IFNA8: variants seen among roughly 807,000 people sequenced by gnomAD.
The protein encoded by IFNA8 is interferon alpha 8.
For synonymous variants in IFNA8, 91 were observed against 84.4 expected, an observed-to-expected ratio of 1.08 and a Z score of -0.43; for missense variants, 246 against 212.3, an observed-to-expected ratio of 1.16 and a Z score of -0.99.
In IFNA8 at chr9:21,409,813, C is replaced by A; in HGVS notation, c.*67C>A. The A allele has an allele frequency of 7.0e-7, 1 of 1,420,262 alleles. No individual in the cohort carries two copies. Among genetic ancestry groups the A allele is most frequent in the Non-Finnish European group, 9.8e-7 (1 of 1,016,594 alleles). 88.0% of individuals were successfully genotyped at this position (1,420,262 alleles called of 1,614,324 possible). On this transcript the variant is annotated 3_prime_UTR_variant, in exon 1 of 1. Transcript: ENST00000380205. ...GCAGCTCACACTTCGACAAGTTGTG[C>A]TCTTTCAAAGACCCTTGTTTCTGCC...
Position 21,409,826 on chromosome 9 carries a change from C to T in IFNA8, c.*80C>T, listed in dbSNP as rs1244909515. The stretch of plus-strand genomic sequence containing the variant: ...CGACAAGTTGTGCTCTTTCAAAGAC[C>T]CTTGTTTCTGCCAAAACCATGCTAT... On this transcript the variant is annotated 3_prime_UTR_variant, in exon 1 of 1. Transcript: ENST00000380205. 2 of 1,316,352 alleles carry T rather than the reference C, an allele frequency of 1.5e-6. No homozygotes were observed. The highest frequency in any genetic ancestry group is 3.0e-5 in the African/African-American group (2 of 67,640). 81.5% of individuals were successfully genotyped at this position (1,316,352 alleles called of 1,614,324 possible). A position where few individuals can be genotyped will look rare whatever the true frequency, so the allele number is the denominator to read the frequency against.
chr9:21,409,411 G>T lies in IFNA8; in HGVS notation c.235G>T (p.Val79Phe), dbSNP rs1286930936. 1.2e-6 allele frequency: 2 copies of T among 1,613,984 alleles called. No individual in the cohort carries two copies. The highest frequency in any genetic ancestry group is 3.3e-5 in the Admixed American group (2 of 59,996). Residue 79 changes from valine to phenylalanine, a missense_variant, in exon 1 of 1, where the codon GTC becomes TTC. Physicochemically the swap from Val to Phe is conservative, Grantham distance 50. Transcript: ENST00000380205. ...GTTCCAGAAGGCTCAAGCCATCTCTGTCCTCCATGAGATGATCCAGCAGAC... is the reference window on the plus strand; with the variant it reads ...GTTCCAGAAGGCTCAAGCCATCTCTTTCCTCCATGAGATGATCCAGCAGAC... ...KQFQKAQAIS[V>F]LHEMIQQTFN...
chr9:21,409,268 G>T lies in IFNA8; in HGVS notation c.92G>T (p.Ser31Ile). The change falls in exon 1 of 1, where the codon AGC becomes ATC. Residue 31 changes from serine to isoleucine, a missense_variant. By Grantham distance (142) the Ser-to-Ile change is moderately radical. Coordinates refer to ENST00000380205, the MANE Select transcript of IFNA8 (RefSeq NM_002170.4). ...SLGCDLPQTH[S>I]LGNRRALILL... ...GGCTGTGATCTGCCTCAGACTCACA[G>T]CCTGGGTAACAGGAGGGCCTTGATA... The T allele has an allele frequency of 6.2e-7, 1 of 1,614,034 alleles. No homozygotes were observed. The highest frequency in any genetic ancestry group is 8.5e-7 in the Non-Finnish European group (1 of 1,179,942).
In IFNA8 at chr9:21,409,564, A is replaced by G; in HGVS notation, c.388A>G (p.Ile130Val). The G allele has an allele frequency of 6.2e-7, 1 of 1,614,004 alleles. No individual in the cohort carries two copies. ...CTGTGTGATGCAGGAAGTGGGGGTG[A>G]TAGAGTCTCCCCTGATGTACGAGGA... is the stretch of plus-strand genomic sequence containing the variant. ...ESCVMQEVGV[I>V]ESPLMYEDSI... The change falls in exon 1 of 1, where the codon ATA becomes GTA. Residue 130 changes from isoleucine to valine, a missense_variant. Ile to Val is a conservative substitution (Grantham distance 29, BLOSUM62 3). Coordinates refer to ENST00000380205, the MANE Select transcript of IFNA8 (RefSeq NM_002170.4).
At position 21,409,310 on chromosome 9, in the gene IFNA8, G is replaced by T. The variant is rs182964709; in HGVS notation, c.134G>T (p.Arg45Leu). The change falls in exon 1 of 1, where the codon CGA becomes CTA. Residue 45 changes from arginine to leucine, a missense_variant. Arg to Leu is a moderately radical substitution (Grantham distance 102, BLOSUM62 -2). Transcript: ENST00000380205. ...GCCTTGATACTCCTGGCACAAATGC[G>T]AAGAATCTCTCCTTTCTCCTGCCTG... ...RRALILLAQMRRISPFSCLKD... is the reference protein window; with the variant it reads ...RRALILLAQMLRISPFSCLKD... 6.2e-7 allele frequency: 1 copy of T among 1,614,022 alleles called. No homozygotes were observed. Among genetic ancestry groups the T allele is most frequent in the Non-Finnish European group, 8.5e-7 (1 of 1,179,954 alleles).
At position 21,410,016 on chromosome 9, in the gene IFNA8, CATATT is replaced by C. The variant is rs1818023941; in HGVS notation, c.*278_*282del. 2 of 253,890 alleles carry C rather than the reference CATATT, an allele frequency of 7.9e-6. No homozygotes were observed. The highest frequency in any genetic ancestry group is 4.6e-5 in the African/African-American group (2 of 43,424). The allele number at this position is 253,890 out of a possible 1,614,324, so 15.7% of individuals were successfully genotyped here. A position where few individuals can be genotyped will look rare whatever the true frequency, so the allele number is the denominator to read the frequency against. ...CTATAGGGCTTAAATTAGTTTTGTT[CATATT>C]ATATTATGTGAACTTTTACATTGTG... On this transcript the variant is annotated 3_prime_UTR_variant, in exon 1 of 1. Transcript: ENST00000380205.
rs1451513317 is a variant in IFNA8, at chr9:21,409,247, G to A, written c.71G>A (p.Cys24Tyr). Residue 24 changes from cysteine (C) to tyrosine (Y), a missense_variant, in exon 1 of 1, where the codon TGT becomes TAT. Cys to Tyr is a radical substitution (Grantham distance 194). Transcript: ENST00000380205. ...LSYKSFSSLGCDLPQTHSLGN... is the reference protein window; with the variant it reads ...LSYKSFSSLGYDLPQTHSLGN... ...TACAAGTCATTCAGCTCTCTGGGCT[G>A]TGATCTGCCTCAGACTCACAGCCTG... 3 of 1,614,044 alleles carry A rather than the reference G, an allele frequency of 1.9e-6. No homozygotes were observed. Among genetic ancestry groups the A allele is most frequent in the Non-Finnish European group, 2.5e-6 (3 of 1,179,942 alleles).
In IFNA8 at chr9:21,409,815, C is replaced by A; in HGVS notation, c.*69C>A. 2 of 1,373,984 alleles carry A rather than the reference C, an allele frequency of 1.5e-6. No homozygotes were observed. The highest frequency in any genetic ancestry group is 2.0e-6 in the Non-Finnish European group (2 of 977,526). The allele number at this position is 1,373,984 out of a possible 1,614,324, so 85.1% of individuals were successfully genotyped here. A position where few individuals can be genotyped will look rare whatever the true frequency, so the allele number is the denominator to read the frequency against. ...AGCTCACACTTCGACAAGTTGTGCT[C>A]TTTCAAAGACCCTTGTTTCTGCCAA... is the stretch of plus-strand genomic sequence containing the variant. On this transcript the variant is annotated 3_prime_UTR_variant, in exon 1 of 1. Coordinates refer to ENST00000380205, the MANE Select transcript of IFNA8 (RefSeq NM_002170.4).
chr9:21,410,091 T>C lies in IFNA8; in HGVS notation c.*345T>C, dbSNP rs16938396. ...GTTCTTTATATTTATTATTTTGCCT[T>C]GTTTATTAAATTTTTACTATAGAAA... On this transcript the variant is annotated 3_prime_UTR_variant, in exon 1 of 1. Coordinates refer to ENST00000380205, the MANE Select transcript of IFNA8 (RefSeq NM_002170.4). 0.038 allele frequency: 6,837 copies of C among 180,578 alleles called. 453 individuals carry two copies. Among genetic ancestry groups the C allele is most frequent in the African/African-American group, 0.15 (6,209 of 41,498 alleles). 11.2% of individuals were successfully genotyped at this position (180,578 alleles called of 1,614,324 possible). A position where few individuals can be genotyped will look rare whatever the true frequency, so the allele number is the denominator to read the frequency against.
At position 21,409,764 on chromosome 9, in the gene IFNA8, A is replaced by T; in HGVS notation, c.*18A>T. The T allele has an allele frequency of 6.2e-7, 1 of 1,603,928 alleles. No individual in the cohort carries two copies. Among genetic ancestry groups the T allele is most frequent in the Non-Finnish European group, 8.5e-7 (1 of 1,171,456 alleles). On this transcript the variant is annotated 3_prime_UTR_variant, in exon 1 of 1. Coordinates refer to ENST00000380205, the MANE Select transcript of IFNA8 (RefSeq NM_002170.4). ...AGGAATGAGACCTGGTACAACACGG[A>T]AATGATTCTTATAGACTAATACAGC... is the stretch of plus-strand genomic sequence containing the variant.
At position 21,409,302 on chromosome 9, in the gene IFNA8, A is replaced by G; in HGVS notation, c.126A>G (p.Ala42=). The change falls in exon 1 of 1, where the codon GCA becomes GCG. Residue 42 remains alanine (A), a synonymous_variant. Coordinates refer to ENST00000380205, the MANE Select transcript of IFNA8 (RefSeq NM_002170.4). ...LGNRRALILL[A]QMRRISPFSC... ...ACAGGAGGGCCTTGATACTCCTGGCACAAATGCGAAGAATCTCTCCTTTCT... is the reference window on the plus strand; with the variant it reads ...ACAGGAGGGCCTTGATACTCCTGGCGCAAATGCGAAGAATCTCTCCTTTCT... The G allele has an allele frequency of 6.2e-7, 1 of 1,614,084 alleles. No individual in the cohort carries two copies. The highest frequency in any genetic ancestry group is 8.5e-7 in the Non-Finnish European group (1 of 1,179,954).
rs1347408185 is a variant in IFNA8, at chr9:21,409,493, A to G, written c.317A>G (p.Asp106Gly). 6.2e-7 allele frequency: 1 copy of G among 1,613,948 alleles called. No individual in the cohort carries two copies. The highest frequency in any genetic ancestry group is 1.3e-5 in the African/African-American group (1 of 74,902). ...GCTGCTTTGGATGAGACCCTTCTAG[A>G]TGAATTCTACATCGAACTTGACCAG... ...SSAALDETLL[D>G]EFYIELDQQL... The change falls in exon 1 of 1, where the codon GAT becomes GGT. Residue 106 changes from aspartate to glycine, a missense_variant. Physicochemically the swap from Asp to Gly is moderately conservative, Grantham distance 94. Coordinates refer to ENST00000380205, the MANE Select transcript of IFNA8 (RefSeq NM_002170.4).
At position 21,409,251 on chromosome 9, in the gene IFNA8, T is replaced by G. The variant is rs753757479; in HGVS notation, c.75T>G (p.Asp25Glu). Residue 25 changes from aspartate (D) to glutamate (E), a missense_variant, in exon 1 of 1, where the codon GAT becomes GAG. Transcript: ENST00000380205. Reference sequence around the variant, plus strand: ...AGTCATTCAGCTCTCTGGGCTGTGATCTGCCTCAGACTCACAGCCTGGGTA... The same window carrying G: ...AGTCATTCAGCTCTCTGGGCTGTGAGCTGCCTCAGACTCACAGCCTGGGTA... ...SYKSFSSLGC[D>E]LPQTHSLGNR... The G allele has an allele frequency of 1.2e-6, 2 of 1,613,996 alleles. No homozygotes were observed. The highest frequency in any genetic ancestry group is 2.2e-5 in the South Asian group (2 of 91,082).
At position 21,409,737 on chromosome 9, in the gene IFNA8, T is replaced by G; in HGVS notation, c.561T>G (p.Ser187Arg). The G allele has an allele frequency of 6.2e-7, 1 of 1,612,970 alleles. No individual in the cohort carries two copies. Among genetic ancestry groups the G allele is most frequent in the Non-Finnish European group, 8.5e-7 (1 of 1,179,112 alleles). ...TCAACTTGCAAAAAAGATTGAAGAG[T>G]AAGGAATGAGACCTGGTACAACACG... ...LSINLQKRLK[S>R]KE The change falls in exon 1 of 1, where the codon AGT becomes AGG. Residue 187 changes from serine (S) to arginine (R), a missense_variant. Coordinates refer to ENST00000380205, the MANE Select transcript of IFNA8 (RefSeq NM_002170.4).
chr9:21,409,900 CT>C lies in IFNA8; in HGVS notation c.*155del. The C allele has an allele frequency of 1.5e-6, 1 of 653,184 alleles. No homozygotes were observed. Among genetic ancestry groups the C allele is most frequent in the South Asian group, 1.9e-5 (1 of 52,950 alleles). 40.5% of individuals were successfully genotyped at this position (653,184 alleles called of 1,614,324 possible). On this transcript the variant is annotated 3_prime_UTR_variant, in exon 1 of 1. Transcript: ENST00000380205. The stretch of plus-strand genomic sequence containing the variant: ...GTTTTCAGGAGTGTTAAGCAACATC[CT>C]GTTCAGCTGTATGGGCACTAGTCCC...
rs147319848 is a variant in IFNA8, at chr9:21,409,632, A to G, written c.456A>G (p.Leu152=). ...AVRKYFQRIT[L]YLTEKKYSSC... is the part of the protein sequence containing the mutation. Reference sequence around the variant, plus strand: ...GGAAATACTTCCAAAGAATCACTCTATATCTGACAGAGAAGAAATACAGCT... The same window carrying G: ...GGAAATACTTCCAAAGAATCACTCTGTATCTGACAGAGAAGAAATACAGCT... Residue 152 remains leucine, a synonymous_variant, in exon 1 of 1, where the codon CTA becomes CTG. Transcript: ENST00000380205. The G allele has an allele frequency of 4.3e-6, 7 of 1,613,936 alleles. No individual in the cohort carries two copies. The East Asian group carries it at 1.3e-4, about 31-fold the overall frequency.
rs1327279684 is a variant in IFNA8, at chr9:21,409,906, A to G, written c.*160A>G. On this transcript the variant is annotated 3_prime_UTR_variant, in exon 1 of 1. Transcript: ENST00000380205. ...AGGAGTGTTAAGCAACATCCTGTTC[A>G]GCTGTATGGGCACTAGTCCCTTACA... 1 of 618,020 alleles carries G rather than the reference A, an allele frequency of 1.6e-6. No homozygotes were observed. Among genetic ancestry groups the G allele is most frequent in the East Asian group, 3.2e-5 (1 of 31,574 alleles). 38.3% of individuals were successfully genotyped at this position (618,020 alleles called of 1,614,324 possible).
At position 21,409,358 on chromosome 9, in the gene IFNA8, T is replaced by C; in HGVS notation, c.182T>C (p.Phe61Ser). The C allele has an allele frequency of 6.2e-7, 1 of 1,613,994 alleles. No homozygotes were observed. Among genetic ancestry groups the C allele is most frequent in the Non-Finnish European group, 8.5e-7 (1 of 1,179,974 alleles). Residue 61 changes from phenylalanine (F) to serine (S), a missense_variant, in exon 1 of 1, where the codon TTC (phenylalanine) becomes TCC (serine). Coordinates refer to ENST00000380205, the MANE Select transcript of IFNA8 (RefSeq NM_002170.4). ...CTGAAGGACAGACATGACTTTGAATTCCCCCAGGAGGAGTTTGATGATAAA... is the reference window on the plus strand; with the variant it reads ...CTGAAGGACAGACATGACTTTGAATCCCCCCAGGAGGAGTTTGATGATAAA... Reference protein sequence around the residue: ...SCLKDRHDFEFPQEEFDDKQF... With the variant: ...SCLKDRHDFESPQEEFDDKQF...
chr9:21,409,180 G>A lies in IFNA8; in HGVS notation c.4G>A (p.Ala2Thr). Residue 2 changes from alanine (A) to threonine (T), a missense_variant, in exon 1 of 1, where the codon GCC (alanine) becomes ACC (threonine). By Grantham distance (58) the Ala-to-Thr change is moderately conservative. Transcript: ENST00000380205. ...AGCAGCATCCACAACATCTACAATGGCCTTGACTTTTTATTTACTGGTGGC... is the reference window on the plus strand; with the variant it reads ...AGCAGCATCCACAACATCTACAATGACCTTGACTTTTTATTTACTGGTGGC... M[A>T]LTFYLLVALV... The A allele has an allele frequency of 6.2e-7, 1 of 1,613,664 alleles. No homozygotes were observed. The highest frequency in any genetic ancestry group is 8.5e-7 in the Non-Finnish European group (1 of 1,179,718).
Sources: allele counts gnomAD v4.1 joint callset, GRCh38; gene constraint gnomAD v4.1.1; transcripts MANE v1.5; gene names NCBI Gene and HGNC (gene_info 2026-07-23, HGNC 2026-07-21).